The following IQSEC1 variants were observed in gnomAD, a reference collection of about 807,000 sequenced individuals.
IQSEC1 encodes the protein IQ motif and Sec7 domain ArfGEF 1.
A neutral mutation model predicts 91.0 loss-of-function variants in IQSEC1; 31 were observed. The observed-to-expected ratio is 0.34, with a 90% CI of 0.26 to 0.46. The LOEUF (loss-of-function observed/expected upper bound fraction) is 0.46, where lower values mean the gene tolerates loss of function less well. Ranked by LOEUF, IQSEC1 falls within the 20% of genes least tolerant of loss-of-function variation. IQSEC1 has a pLI of 1.00. For synonymous variants in IQSEC1, 699 were observed against 662.6 expected, an observed-to-expected ratio of 1.05 and a Z score of -0.84; for missense variants, 1,388 against 1,575.6, an observed-to-expected ratio of 0.88 and a Z score of 2.02.
At chr3:13,173,652 C>T (rs557470452) in intron 1 of IQSEC1, among the ~76,000 whole-genome samples, 3 of 152,346 alleles carry the variant, frequency 2.0e-5, no homozygotes, top group South Asian at 4.1e-4. Flanking sequence ...GGACCCCAAC[C>T]CCCTGAAGAT....
chr3:13,035,866 G>T (rs544570111), intron 1 of IQSEC1, among the ~76,000 whole-genome samples: 5 of 152,296 alleles, frequency 3.3e-5, no homozygotes, highest in South Asian at 2.1e-4. Context: ...CTTTCCCTTG[G>T]ATTGCTTGCC....
chr3:13,022,542 G>T, intron 1 of IQSEC1: 1 of 851,964 alleles, frequency 1.2e-6, no homozygotes, highest in Non-Finnish European at 1.4e-6. Flanking sequence ...CCAGGGGCTG[G>T]CCCTGCGTCC....
intron 1 of IQSEC1, among the ~76,000 whole-genome samples, chr3:13,072,626 T>C (rs112775826): frequency 0.032 from 4,846 of 152,310 alleles, 104 homozygotes; most frequent in Middle Eastern, 0.068. Context: ...GGGCTGGCCA[T>C]GGGCGTGCTG....
At chr3:12,993,016 T>C (rs1258071612) in intron 1 of IQSEC1, among the ~76,000 whole-genome samples, 1 of 152,072 alleles carries the variant, frequency 6.6e-6, no homozygotes, top group East Asian at 1.9e-4. Context: ...TCTAAGACCC[T>C]GGCCCAGGAG....
chr3:12,908,539 G>A lies in IQSEC1; in HGVS notation c.2579-14C>T. 1 of 1,613,436 alleles carries A rather than the reference G, an allele frequency of 6.2e-7. No homozygotes were observed. The highest frequency in any genetic ancestry group is 2.2e-5 in the East Asian group (1 of 44,882). ...TCTCGAGCTCCGCTGGAACAGAGAG[G>A]GTGAGGGTCCTGGTGAGAGGAGCAC... On this transcript the variant is annotated splice_polypyrimidine_tract_variant and intron_variant, in intron 11 of 13. Transcript: ENST00000613206. The surrounding 1 kb of genome is among the most constrained non-coding windows in gnomAD (Gnocchi z 4.9).
chr3:13,197,975 G>A (rs1467647437), intron 1 of IQSEC1, among the ~76,000 whole-genome samples: 3 of 152,210 alleles, frequency 2.0e-5, no homozygotes, highest in Non-Finnish European at 4.4e-5. Flanking sequence ...GCGTGCACCC[G>A]GCCTCCCGAG....
intron 1 of IQSEC1, among the ~76,000 whole-genome samples, chr3:13,267,620 T>C (rs2125139175): frequency 6.7e-6 from 1 of 149,248 alleles, no homozygotes; most frequent in African/African-American, 2.5e-5. Flanking sequence ...TTTTTCTTTT[T>C]CTTTTTTTTT....
At chr3:13,203,555 G>C (rs191681804) in intron 1 of IQSEC1, among the ~76,000 whole-genome samples, 1 of 152,104 alleles carries the variant, frequency 6.6e-6, no homozygotes, top group South Asian at 2.1e-4. Context: ...CAGGGTGCCC[G>C]GGACACAGGA....
intron 1 of IQSEC1, among the ~76,000 whole-genome samples, chr3:13,248,942 T>G (rs1442965797): frequency 8.4e-6 from 1 of 118,904 alleles, no homozygotes; most frequent in Non-Finnish European, 1.6e-5. Flanking sequence ...GTCACAGAAT[T>G]AATCAGTGCA....
intron 2 of IQSEC1, among the ~76,000 whole-genome samples, chr3:13,146,315 T>G (rs1213895788): frequency 6.6e-6 from 1 of 152,184 alleles, no homozygotes; most frequent in Non-Finnish European, 1.5e-5. Context: ...ACATAAATAC[T>G]ATCCCTTCAC....
upstream of IQSEC1, among the ~76,000 whole-genome samples, chr3:13,076,176 A>G (rs1399207937): frequency 6.6e-6 from 1 of 152,182 alleles, no homozygotes. Context: ...CCCTGGTTAT[A>G]TCACAGAATC....
intron 2 of IQSEC1, among the ~76,000 whole-genome samples, chr3:13,146,056 T>C (rs1419612950): frequency 1.3e-5 from 2 of 152,120 alleles, no homozygotes; most frequent in Non-Finnish European, 2.9e-5. Flanking sequence ...GGTGCAATCA[T>C]CGCTCACTGC....
Position 12,899,461 on chromosome 3 carries a change from CG to C in IQSEC1, c.*1521del. On this transcript the variant is annotated 3_prime_UTR_variant, in exon 14 of 14. Coordinates refer to ENST00000613206, the MANE Select transcript of IQSEC1 (RefSeq NM_001134382.3). ...TACAAAGTATGGCCCGTGGGTGACT[CG>C]GGCACAGACCTGCCGCGTGCAGGTC... 6.2e-7 allele frequency: 1 copy of C among 1,603,824 alleles called. No individual in the cohort carries two copies. The highest frequency in any genetic ancestry group is 8.5e-7 in the Non-Finnish European group (1 of 1,175,828).
intron 1 of IQSEC1, among the ~76,000 whole-genome samples, chr3:13,227,520 G>A (rs554767257): frequency 3.1e-4 from 47 of 152,214 alleles, no homozygotes; most frequent in African/African-American, 1.1e-3. Context: ...AGGGGTGATA[G>A]TGACACATCG....
At chr3:13,252,200 A>G (rs1419154461) in intron 1 of IQSEC1, among the ~76,000 whole-genome samples, 1 of 151,864 alleles carries the variant, frequency 6.6e-6, no homozygotes, top group Non-Finnish European at 1.5e-5. Flanking sequence ...GAACTCACCA[A>G]TCCCCCTCCC....
chr3:12,899,506 G>A lies in IQSEC1; in HGVS notation c.*1477C>T, dbSNP rs1694004706. 1.3e-6 allele frequency: 2 copies of A among 1,563,404 alleles called. No individual in the cohort carries two copies. Among genetic ancestry groups the A allele is most frequent in the South Asian group, 1.2e-5 (1 of 86,228 alleles). ...GCAGGTCTGGCCCTGGGGAGCGCAT[G>A]GTGTCACCACAACACAGAAGCGACA... On this transcript the variant is annotated 3_prime_UTR_variant, in exon 14 of 14. Transcript: ENST00000613206.
intron 1 of IQSEC1, among the ~76,000 whole-genome samples, chr3:13,203,563 G>C (rs1484839866): frequency 6.6e-6 from 1 of 152,144 alleles, no homozygotes; most frequent in Non-Finnish European, 1.5e-5. Context: ...CCGGGACACA[G>C]GAAACACACC....
intron 1 of IQSEC1, among the ~76,000 whole-genome samples, chr3:12,977,609 A>G (rs1381943206): frequency 6.6e-6 from 1 of 152,212 alleles, no homozygotes; most frequent in East Asian, 1.9e-4. Context: ...TTGGGGAGAC[A>G]GCCTGCTGCC....
intron 1 of IQSEC1, among the ~76,000 whole-genome samples, chr3:13,254,586 A>C (rs1195541948): frequency 6.6e-6 from 1 of 152,250 alleles, no homozygotes; most frequent in Non-Finnish European, 1.5e-5. Context: ...AAACCAGCTC[A>C]AGCCCCCTTC....
Sources: allele counts gnomAD v4.1 joint callset (sites outside exome capture counted in the v4.1 genomes callset), GRCh38; gene constraint gnomAD v4.1.1; non-coding constraint Gnocchi (gnomAD v3.1); transcripts MANE v1.5; gene names NCBI Gene and HGNC (gene_info 2026-07-23, HGNC 2026-07-21).